CDK19: variants seen among roughly 807,000 people sequenced by gnomAD.
CDK19 encodes cyclin-dependent kinase 19.
A neutral mutation model predicts 68.3 loss-of-function variants in CDK19; 20 were observed. The ratio of observed to expected loss-of-function variants is 0.29; its 90% CI spans 0.21 to 0.43. The LOEUF (loss-of-function observed/expected upper bound fraction) is 0.43, where lower values mean the gene tolerates loss of function less well. CDK19 is among the 20% of genes least tolerant of loss of function. The probability of loss-of-function intolerance (pLI) is 1.00; values close to 1 mark genes in which losing one functional copy is unlikely to be tolerated. For missense variants in CDK19, 339 were observed against 623.5 expected (o/e 0.54, Z 4.86); for synonymous variants, 221 against 222.8 (o/e 0.99, Z 0.07).
intron 1 of CDK19, among the ~76,000 whole-genome samples, chr6:110,746,929 GA>G (rs1266281581): frequency 6.6e-6 from 1 of 152,200 alleles, no homozygotes; most frequent in Non-Finnish European, 1.5e-5. Context: ...AACAGTATGA[GA>G]TAAGCAGCTA....
At chr6:110,666,998 T>C (rs750294675) in intron 4 of CDK19, among the ~76,000 whole-genome samples, 10 of 152,212 alleles carry the variant, frequency 6.6e-5, no homozygotes, top group Admixed American at 5.2e-4. Context: ...CATTTGTTTA[T>C]TAATATTGAT....
intron 2 of CDK19, among the ~76,000 whole-genome samples, chr6:110,703,447 A>G (rs1016945682): frequency 6.6e-6 from 1 of 152,196 alleles, no homozygotes; most frequent in African/African-American, 2.4e-5. Context: ...AAATACTATT[A>G]ATTGAAATGA....
rs577036008 is a variant in CDK19, at chr6:110,644,092, G to A, written c.457-5386C>T. Among the ~76,000 whole-genome samples the A allele has an allele frequency of 1.8e-4, 28 of 152,206 alleles. No individual in the cohort carries two copies. In the South Asian group the frequency reaches 5.8e-3, roughly 32 times the overall value. On this transcript the variant is annotated intron_variant, in intron 4 of 12. Transcript: ENST00000368911. ...GCAGATCACAAGGTCAGGAGTTTGA[G>A]ACCAGCCTGGCCAACATGGTGAAAC...
At chr6:110,698,734 A>G (rs1331975449) in intron 2 of CDK19, among the ~76,000 whole-genome samples, 1 of 152,214 alleles carries the variant, frequency 6.6e-6, no homozygotes, top group Non-Finnish European at 1.5e-5. Flanking sequence ...CCACAACTGC[A>G]AAGATATGGA....
chr6:110,638,613 G>A (rs1474833664), intron 5 of CDK19, 36 bp downstream of exon 5: 1 of 1,095,266 alleles, frequency 9.1e-7, no homozygotes, highest in Middle Eastern at 2.0e-4. Context: ...GTTAACTTCA[G>A]TTTTTAAATA....
At chr6:110,617,930 C>T (rs1304955915) in intron 12 of CDK19, among the ~76,000 whole-genome samples, 2 of 143,424 alleles carry the variant, frequency 1.4e-5, no homozygotes, top group Non-Finnish European at 3.0e-5. Context: ...AAACCTAGGA[C>T]ATCATTATAT....
At chr6:110,790,011 T>C (rs1781483041) in intron 1 of CDK19, among the ~76,000 whole-genome samples, 1 of 152,176 alleles carries the variant, frequency 6.6e-6, no homozygotes. Context: ...GACTTAAACG[T>C]TGGGGTAGGA....
At chr6:110,677,718 T>G (rs1771650467) in intron 2 of CDK19, among the ~76,000 whole-genome samples, 1 of 152,152 alleles carries the variant, frequency 6.6e-6, no homozygotes, top group African/African-American at 2.4e-5. Context: ...CTGTACATGT[T>G]TTATGACTCT....
At chr6:110,680,874 G>A (rs1418539484) in intron 2 of CDK19, among the ~76,000 whole-genome samples, 1 of 152,068 alleles carries the variant, frequency 6.6e-6, no homozygotes, top group Admixed American at 6.6e-5. Context: ...GTATATGCCT[G>A]TAATCCCAGC....
At chr6:110,659,448 TC>T (rs1172280187) in intron 4 of CDK19, among the ~76,000 whole-genome samples, 1 of 152,246 alleles carries the variant, frequency 6.6e-6, no homozygotes, top group Non-Finnish European at 1.5e-5. Flanking sequence ...TTTCAATGCC[TC>T]TTGGCTAGCT....
At chr6:110,627,344 G>A (rs1779155229) in intron 6 of CDK19, among the ~76,000 whole-genome samples, 199 bp from the exon 7 acceptor site, 1 of 150,970 alleles carries the variant, frequency 6.6e-6, no homozygotes, top group Admixed American at 6.6e-5. Context: ...ATATATATGT[G>A]TGTGTATGTG....
chr6:110,623,891 G>GTATATATACGTATATATATA (rs1778906480), intron 8 of CDK19, among the ~76,000 whole-genome samples: 3 of 45,488 alleles, frequency 6.6e-5, no homozygotes, highest in African/African-American at 4.4e-4. Flanking sequence ...ATATATATAT[G>GTATATATACGTATATATATA]TGTGTGTATA....
intron 12 of CDK19, among the ~76,000 whole-genome samples, chr6:110,619,664 T>C (rs1582686393): frequency 6.6e-6 from 1 of 151,974 alleles, no homozygotes; most frequent in Non-Finnish European, 1.5e-5. Flanking sequence ...AGCCTAATAC[T>C]ATGCAGTCAG....
At chr6:110,617,627 A>AAAT (rs1283473106) in intron 12 of CDK19, among the ~76,000 whole-genome samples, 3 of 147,620 alleles carry the variant, frequency 2.0e-5, no homozygotes, top group African/African-American at 7.5e-5. Flanking sequence ...TTACTTAAAA[A>AAAT]AATAATAATA....
chr6:110,717,665 T>C (rs1051325424), intron 2 of CDK19, among the ~76,000 whole-genome samples: 2 of 152,168 alleles, frequency 1.3e-5, no homozygotes, highest in African/African-American at 4.8e-5. Flanking sequence ...GTTCAGAGGG[T>C]GGCATCCTCA....
chr6:110,625,323 AT>A (rs903595400), intron 8 of CDK19, among the ~76,000 whole-genome samples: 66 of 148,142 alleles, frequency 4.5e-4, no homozygotes, highest in East Asian at 1.2e-3. Context: ...ATGCGTAATA[AT>A]TTTTTTTTTT....
chr6:110,799,691 C>T (rs1170841524), intron 1 of CDK19, among the ~76,000 whole-genome samples: 1 of 151,996 alleles, frequency 6.6e-6, no homozygotes, highest in East Asian at 1.9e-4. Flanking sequence ...TCAACCTCCC[C>T]AGCTCAAGTG....
intron 2 of CDK19, among the ~76,000 whole-genome samples, chr6:110,727,575 C>T (rs983056772): frequency 1.3e-5 from 2 of 152,068 alleles, no homozygotes; most frequent in Non-Finnish European, 2.9e-5. Context: ...TCTCTTCCTC[C>T]TCTTAAATGT....
chr6:110,705,241 T>C (rs112373742), intron 2 of CDK19, among the ~76,000 whole-genome samples: 2,918 of 152,196 alleles, frequency 0.019, 98 homozygotes, highest in African/African-American at 0.067. Flanking sequence ...GGTTTCTCCA[T>C]GTTGGTCAGG....
Sources: gnomAD v4.1 joint callset for allele counts (sites outside exome capture counted in the v4.1 genomes callset) on GRCh38, gnomAD v4.1.1 for gene constraint, MANE v1.5 for transcripts, NCBI Gene and HGNC (gene_info 2026-07-23, HGNC 2026-07-21) for gene names.